Variants in GABRQ observed in about 807,000 individuals in gnomAD.
GABRQ encodes the protein gamma-aminobutyric acid receptor subunit theta.
A neutral mutation model predicts 30.5 loss-of-function variants in GABRQ; 19 were observed. That is an observed-to-expected ratio of 0.62 (90% CI 0.43 to 0.91). The LOEUF (loss-of-function observed/expected upper bound fraction) is 0.91. GABRQ is among the 40% of genes least tolerant of loss of function. The pLI is 0.00. For missense variants in GABRQ, 520 were observed against 521.4 expected (o/e 1.00, Z 0.03); for synonymous variants, 187 against 210.2 (o/e 0.89, Z 0.95).
chrX:152,640,686 G>A (rs930896883), intron 2 of GABRQ, among the ~76,000 whole-genome samples: 1 of 111,516 alleles, frequency 9.0e-6, no homozygotes, highest in Admixed American at 9.5e-5. Context: ...TCAGATGCAC[G>A]AGAGCCTTCT....
Position 152,652,598 on chromosome X carries a change from G to GC in GABRQ, c.1222dup (p.Leu408ProfsTer62), listed in dbSNP as rs1569454161. 1 of 1,209,622 alleles carries GC rather than the reference G, an allele frequency of 8.3e-7. No homozygotes were observed. Among genetic ancestry groups the GC allele is most frequent in the Non-Finnish European group, 1.1e-6 (1 of 893,670 alleles). On this transcript the variant is annotated frameshift_variant, in exon 9 of 9. Coordinates refer to ENST00000598523, the MANE Select transcript of GABRQ (RefSeq NM_018558.4). LOFTEE classifies it low-confidence loss of function (END_TRUNC). ...CTCTCTCCCCATCACCCCAGCGCAG[G>GC]CCCCCCTGGCAAGCCCGGAAAGCCT...
At chrX:152,658,152 C>T (rs1556821364), downstream of GABRQ, among the ~76,000 whole-genome samples, 1 of 111,635 alleles carries the variant, frequency 9.0e-6, no homozygotes, top group Non-Finnish European at 1.9e-5. Context: ...CCTCCCCACC[C>T]GCTTCTCTCA....
At chrX:152,645,874 A>G (rs1490505849) in intron 3 of GABRQ, among the ~76,000 whole-genome samples, 1 of 112,745 alleles carries the variant, frequency 8.9e-6, no homozygotes, top group Non-Finnish European at 1.9e-5. Flanking sequence ...TATGTCTTGC[A>G]GTAGGATTTC....
rs1166499837 is a variant in GABRQ at position 152,655,173 on chromosome X, G to A, written c.*1892G>A. On this transcript the variant is annotated 3_prime_UTR_variant, in exon 9 of 9. Transcript: ENST00000598523. ...CTGAAAGCATATGTATTCCCTGTTG[G>A]TGACCCTTCTAGAACCACTATAATT... The A allele has an allele frequency of 8.9e-6, 1 of 112,652 alleles. No individual in the cohort carries two copies. Among genetic ancestry groups the A allele is most frequent in the Non-Finnish European group, 1.9e-5 (1 of 53,323 alleles). 9.3% of individuals were successfully genotyped at this position (112,652 alleles called of 1,213,427 possible). A position where few individuals can be genotyped will look rare whatever the true frequency, so the allele number is the denominator to read the frequency against.
intron 4 of GABRQ, among the ~76,000 whole-genome samples, chrX:152,648,507 G>T (rs1249913139): frequency 1.8e-5 from 2 of 109,574 alleles, no homozygotes; most frequent in African/African-American, 3.3e-5. Context: ...TGGGAATACA[G>T]GTGAGTGCCG....
At position 152,655,594 on chromosome X, in the gene GABRQ, C is replaced by A. The variant is rs947280391; in HGVS notation, c.*2313C>A. On this transcript the variant is annotated 3_prime_UTR_variant, in exon 9 of 9. Transcript: ENST00000598523. ...ACGACAGTTGAAAACAAGAAAGTTA[C>A]CACTGGAAGAGCTAAAATTGCCTCT... 8.4e-4 allele frequency: 94 copies of A among 112,187 alleles called. No homozygotes were observed. The highest frequency in any genetic ancestry group is 3.0e-3 in the African/African-American group (91 of 30,798). 9.2% of individuals were successfully genotyped at this position (112,187 alleles called of 1,213,427 possible).
intron 1 of GABRQ, 43 bp downstream of exon 1, chrX:152,638,394 G>T: frequency 8.5e-7 from 1 of 1,172,155 alleles, no homozygotes; most frequent in Non-Finnish European, 1.2e-6. Context: ...GGACGGGAAT[G>T]GAGACGGGCA....
rs1930974509 is a variant in GABRQ, at chrX:152,649,798, C to T, written c.667C>T (p.His223Tyr). ...CTGGGATGACAATGGGAACGCCATCCACATGACTGAGGAGCTGCATATCCC... is the reference window on the plus strand; with the variant it reads ...CTGGGATGACAATGGGAACGCCATCTACATGACTGAGGAGCTGCATATCCC... Reference protein sequence around the residue: ...LFWDDNGNAIHMTEELHIPQF... With the variant: ...LFWDDNGNAIYMTEELHIPQF... The change falls in exon 6 of 9, where the codon CAC becomes TAC. Residue 223 changes from histidine to tyrosine, a missense_variant. Physicochemically the swap from His to Tyr is moderately conservative, Grantham distance 83 (BLOSUM62 2). Transcript: ENST00000598523. 8.5e-7 allele frequency: 1 copy of T among 1,172,213 alleles called. No individual in the cohort carries two copies. Among genetic ancestry groups the T allele is most frequent in the South Asian group, 1.8e-5 (1 of 55,891 alleles).
intron 5 of GABRQ, among the ~76,000 whole-genome samples, 187 bp from the exon 6 acceptor site, chrX:152,649,555 G>A (rs868932427): frequency 2.7e-5 from 3 of 112,365 alleles, no homozygotes; most frequent in African/African-American, 6.5e-5. Flanking sequence ...TTTATTGACA[G>A]ATAGATGTAT....
intron 4 of GABRQ, among the ~76,000 whole-genome samples, chrX:152,647,994 C>A (rs1461340159): frequency 5.4e-5 from 6 of 111,964 alleles, no homozygotes; most frequent in Non-Finnish European, 1.1e-4. Context: ...TTCCCACAGA[C>A]CCAGGCTCTG....
In GABRQ at chrX:152,652,532, T is replaced by C; in HGVS notation, c.1159-9T>C. The stretch of plus-strand genomic sequence containing the variant: ...GAAACTGATGAGCCTATCCATTATC[T>C]CCTCAAAGGATGGCCTGATTAACGT... On this transcript the variant is annotated splice_polypyrimidine_tract_variant and intron_variant, in intron 8 of 8. Coordinates refer to ENST00000598523, the MANE Select transcript of GABRQ (RefSeq NM_018558.4). 2 of 1,194,817 alleles carry C rather than the reference T, an allele frequency of 1.7e-6. No homozygotes were observed. Among genetic ancestry groups the C allele is most frequent in the South Asian group, 3.7e-5 (2 of 54,209 alleles).
chrX:152,650,534 A>G lies in GABRQ; in HGVS notation c.855A>G (p.Ile285Met), dbSNP rs782019560. The change falls in exon 7 of 9, where the codon ATA becomes ATG. Residue 285 changes from isoleucine (I) to methionine (M), a missense_variant. Physicochemically the swap from Ile to Met is conservative, Grantham distance 10 (BLOSUM62 1). Coordinates refer to ENST00000598523, the MANE Select transcript of GABRQ (RefSeq NM_018558.4). ...TCCTCACCACTATTACCTCTTGGAT[A>G]TCGTTTTGGATGAACTATGATTCCT... is the stretch of plus-strand genomic sequence containing the variant. Reference protein sequence around the residue: ...PTVLTTITSWISFWMNYDSSA... With the variant: ...PTVLTTITSWMSFWMNYDSSA... 6 of 1,202,860 alleles carry G rather than the reference A, an allele frequency of 5.0e-6. No individual in the cohort carries two copies. The highest frequency in any genetic ancestry group is 6.7e-6 in the Non-Finnish European group (6 of 889,108).
chrX:152,649,990 C>T (rs1930980744), intron 6 of GABRQ, 111 bp downstream of exon 6: 10 of 575,035 alleles, frequency 1.7e-5, no homozygotes, highest in Non-Finnish European at 2.9e-5. Flanking sequence ...TTTTCCACTT[C>T]CTACTGGTTC....
chrX:152,650,622 G>T, intron 7 of GABRQ, 42 bp downstream of exon 7: 1 of 1,088,017 alleles, frequency 9.2e-7, no homozygotes, highest in Non-Finnish European at 1.3e-6. Context: ...TGGGTCATTT[G>T]GCTCAGAAAA....
chrX:152,641,692 T>G (rs1556818448), intron 2 of GABRQ, among the ~76,000 whole-genome samples: 2 of 112,258 alleles, frequency 1.8e-5, no homozygotes, highest in Non-Finnish European at 3.8e-5. Context: ...GGCAGGCTCT[T>G]TCATTGCAAA....
chrX:152,648,365 AT>A (rs111231111), intron 4 of GABRQ, among the ~76,000 whole-genome samples: 505 of 94,594 alleles, frequency 5.3e-3, no homozygotes, highest in African/African-American at 8.7e-3. Context: ...TTTTATTTTT[AT>A]TTTTTTTTTT....
chrX:152,642,800 A>T (rs142201315), intron 2 of GABRQ, among the ~76,000 whole-genome samples: 2,279 of 111,506 alleles, frequency 0.02, 63 homozygotes, highest in African/African-American at 0.07. Context: ...GACGTTTCTC[A>T]TCCCCTCCCC....
At chrX:152,640,599 T>A in intron 2 of GABRQ, 133 bp downstream of exon 2, 1 of 543,030 alleles carries the variant, frequency 1.8e-6, no homozygotes, top group Non-Finnish European at 3.4e-6. Flanking sequence ...AGATCCCACC[T>A]TCCTGACTCT....
chrX:152,649,308 G>C lies in GABRQ; in HGVS notation c.585G>C (p.Gln195His). 1 of 1,172,469 alleles carries C rather than the reference G, an allele frequency of 8.5e-7. No individual in the cohort carries two copies. Among genetic ancestry groups the C allele is most frequent in the East Asian group, 3.0e-5 (1 of 33,699 alleles). Residue 195 changes from glutamine (Q) to histidine (H), a missense_variant, in exon 5 of 9, where the codon CAG (glutamine) becomes CAC (histidine). Transcript: ENST00000598523. Reference sequence around the variant, plus strand: ...TGCATAAATTCCCTATGGACAAGCAGGCCTGCAACCTGGTGGTAGAGAGCT... The same window carrying C: ...TGCATAAATTCCCTATGGACAAGCACGCCTGCAACCTGGTGGTAGAGAGCT... Reference protein sequence around the residue: ...LDLHKFPMDKQACNLVVESYG... With the variant: ...LDLHKFPMDKHACNLVVESYG...
Sources: allele counts gnomAD v4.1 joint callset (sites outside exome capture counted in the v4.1 genomes callset), GRCh38; gene constraint gnomAD v4.1.1; transcripts MANE v1.5; gene names NCBI Gene and HGNC (gene_info 2026-07-23, HGNC 2026-07-21).